The following ABCB1 variants were observed in gnomAD, a reference collection of about 807,000 sequenced individuals.
ABCB1 encodes the protein ATP-dependent translocase ABCB1.
Under a neutral mutation model 142.0 loss-of-function variants are expected in ABCB1, and 69 were observed. That is an observed-to-expected ratio of 0.49 (90% CI 0.40 to 0.59). The LOEUF is 0.59. Ranked by LOEUF, ABCB1 falls within the 20% of genes least tolerant of loss-of-function variation. The probability of loss-of-function intolerance (pLI) is 0.00; values close to 1 mark genes in which losing one functional copy is unlikely to be tolerated. For synonymous variants in ABCB1, 532 were observed against 539.2 expected, an observed-to-expected ratio of 0.99 and a Z score of 0.18; for missense variants, 1,326 against 1,554.7, an observed-to-expected ratio of 0.85 and a Z score of 2.47.
Position 87,553,939 on chromosome 7 carries a change from A to C in ABCB1, c.828-7T>G, listed in dbSNP as rs1817204185. 2.5e-6 allele frequency: 4 copies of C among 1,604,554 alleles called. No individual in the cohort carries two copies. The highest frequency in any genetic ancestry group is 3.4e-6 in the Non-Finnish European group (4 of 1,171,490). ...TTCTAAATTTTTGTTGTACCTGAGA[A>C]AAAGAACAAAAATGATCACATATAC... is the stretch of plus-strand genomic sequence containing the variant. On this transcript the variant is annotated splice_polypyrimidine_tract_variant and splice_region_variant and intron_variant, in intron 8 of 27. Coordinates refer to ENST00000622132, the MANE Select transcript of ABCB1 (RefSeq NM_001348946.2).
At chr7:87,554,061 C>A in intron 8 of ABCB1, 129 bp from the exon 9 acceptor site, 1 of 818,920 alleles carries the variant, frequency 1.2e-6, no homozygotes, top group Non-Finnish European at 2.0e-6. Flanking sequence ...GCTGCTCATA[C>A]ATTGACCCTA....
chr7:87,702,575 C>T (rs1444025437), intron 1 of ABCB1, among the ~76,000 whole-genome samples: 1 of 152,104 alleles, frequency 6.6e-6, no homozygotes, highest in Non-Finnish European at 1.5e-5. Context: ...TCACCATGAC[C>T]AACTCATTAT....
At chr7:87,592,951 A>T (rs1477776203) in intron 3 of ABCB1, among the ~76,000 whole-genome samples, 2 of 147,040 alleles carry the variant, frequency 1.4e-5, no homozygotes, top group African/African-American at 5.1e-5. Context: ...TTTTTGAGAC[A>T]GTGTCTCACT....
chr7:87,625,894 T>A (rs1820404194), intron 1 of ABCB1, among the ~76,000 whole-genome samples: 1 of 151,634 alleles, frequency 6.6e-6, no homozygotes, highest in Non-Finnish European at 1.5e-5. Flanking sequence ...TTTCTTAAAA[T>A]TTTAATGTAT....
At chr7:87,578,397 G>GT (rs970585328) in intron 4 of ABCB1, among the ~76,000 whole-genome samples, 10 of 152,074 alleles carry the variant, frequency 6.6e-5, no homozygotes, top group Middle Eastern at 3.4e-3. Context: ...TGGCTATTCT[G>GT]TTTTTTTCGT....
At chr7:87,576,352 T>C (rs771003363) in intron 4 of ABCB1, among the ~76,000 whole-genome samples, 2 of 150,868 alleles carry the variant, frequency 1.3e-5, no homozygotes, top group Non-Finnish European at 3.0e-5. Context: ...ACTTAACCTA[T>C]TCAAAAAATT....
chr7:87,642,025 C>T (rs187353772), intron 1 of ABCB1, among the ~76,000 whole-genome samples: 26 of 151,960 alleles, frequency 1.7e-4, no homozygotes, highest in South Asian at 6.2e-4. Context: ...TTAATTTATA[C>T]GTGGACGATA....
chr7:87,608,192 T>C (rs901036929), intron 1 of ABCB1, among the ~76,000 whole-genome samples: 2 of 152,236 alleles, frequency 1.3e-5, no homozygotes, highest in African/African-American at 4.8e-5. Flanking sequence ...ACCAAACAGA[T>C]TGGGTTTAAG....
rs41305517 is a variant in ABCB1, at chr7:87,536,541, C to T, written c.2398G>A (p.Asp800Asn). The T allele has an allele frequency of 1.9e-6, 3 of 1,613,752 alleles. No homozygotes were observed. Among genetic ancestry groups the T allele is most frequent in the Non-Finnish European group, 8.5e-7 (1 of 1,179,796 alleles). The change falls in exon 20 of 28, where the codon GAT becomes AAT. Residue 800 changes from aspartate (D) to asparagine (N), a missense_variant and splice_region_variant. Coordinates refer to ENST00000622132, the MANE Select transcript of ABCB1 (RefSeq NM_001348946.2). ...YMVFRSMLRQ[D>N]VSWFDDPKNT... ...TTAGGGTCATCAAACCAACTCACAT[C>T]CTGTGGCACAGAAAATGATTTTATT...
At chr7:87,703,744 A>G (rs1164079013) in intron 1 of ABCB1, among the ~76,000 whole-genome samples, 1 of 151,702 alleles carries the variant, frequency 6.6e-6, no homozygotes, top group Admixed American at 6.6e-5. Flanking sequence ...TTTTGTCCCA[A>G]CTATTGTCCT....
At chr7:87,657,054 T>C (rs1172915891) in intron 1 of ABCB1, among the ~76,000 whole-genome samples, 2 of 152,100 alleles carry the variant, frequency 1.3e-5, no homozygotes, top group African/African-American at 2.4e-5. Flanking sequence ...GAACATGACA[T>C]ACTTTCCCCT....
chr7:87,679,019 A>ATCACTTGAGTTCCAGACC (rs1554462905), intron 1 of ABCB1, among the ~76,000 whole-genome samples: 1 of 150,754 alleles, frequency 6.6e-6, no homozygotes, highest in African/African-American at 2.5e-5. Context: ...AAGTAAACAG[A>ATCACTTGAGTTCCAGACC]AAATTAGTAA....
At chr7:87,541,286 G>A (rs1194898801) in intron 18 of ABCB1, 71 bp downstream of exon 18, 5 of 1,075,650 alleles carry the variant, frequency 4.6e-6, no homozygotes, top group Non-Finnish European at 2.8e-6. Context: ...TTACACTGAT[G>A]TTTATAAATC....
At chr7:87,612,942 A>G (rs1015198201) in intron 1 of ABCB1, among the ~76,000 whole-genome samples, 23 of 150,028 alleles carry the variant, frequency 1.5e-4, no homozygotes, top group Non-Finnish European at 3.1e-4. Context: ...TTCTTTCTGC[A>G]GTGTTTCATA....
intron 1 of ABCB1, chr7:87,694,007 G>T: frequency 6.2e-7 from 1 of 1,604,166 alleles, no homozygotes. Context: ...ACGGGAGCAT[G>T]GAATTGACTT....
chr7:87,582,339 G>A (rs1389345423), intron 4 of ABCB1, among the ~76,000 whole-genome samples: 1 of 152,086 alleles, frequency 6.6e-6, no homozygotes, highest in African/African-American at 2.4e-5. Context: ...CCTCTATATG[G>A]AGTCAGGTGT....
chr7:87,527,340 A>G (rs971415111), intron 21 of ABCB1, among the ~76,000 whole-genome samples: 4 of 152,208 alleles, frequency 2.6e-5, no homozygotes, highest in African/African-American at 4.8e-5. Context: ...AGATAAATGT[A>G]TTGTACAAAA....
At chr7:87,656,791 T>C (rs1376705606) in intron 1 of ABCB1, among the ~76,000 whole-genome samples, 1 of 152,210 alleles carries the variant, frequency 6.6e-6, no homozygotes, top group African/African-American at 2.4e-5. Context: ...TAAACTTATT[T>C]ATCCATCACT....
chr7:87,540,275 TC>T (rs1816480980), intron 18 of ABCB1, among the ~76,000 whole-genome samples: 1 of 152,196 alleles, frequency 6.6e-6, no homozygotes, highest in Non-Finnish European at 1.5e-5. Context: ...GGTCACATGA[TC>T]CTTTTAATCA....
Sources: gnomAD v4.1 joint callset for allele counts (sites outside exome capture counted in the v4.1 genomes callset) on GRCh38, gnomAD v4.1.1 for gene constraint, MANE v1.5 for transcripts, NCBI Gene and HGNC (gene_info 2026-07-23, HGNC 2026-07-21) for gene names.